The following FRMPD3 variants were observed in gnomAD, a reference collection of about 807,000 sequenced individuals.
FRMPD3 encodes the protein FERM and PDZ domain containing 3, also known as FERM and PDZ domain-containing protein 3.
In FRMPD3, 42 loss-of-function variants were observed where a neutral mutation model predicts 97.9. The observed-to-expected ratio is 0.43, with a 90% CI of 0.34 to 0.55. The LOEUF (loss-of-function observed/expected upper bound fraction) is 0.55. Ranked by LOEUF, FRMPD3 falls within the 20% of genes least tolerant of loss-of-function variation. The probability of loss-of-function intolerance (pLI) is 0.03; values close to 1 mark genes in which losing one functional copy is unlikely to be tolerated. For missense variants in FRMPD3, 1,303 were observed against 1,457.7 expected (o/e 0.89, Z 1.73); for synonymous variants, 577 against 581.1 (o/e 0.99, Z 0.10).
rs765877659 is a variant in FRMPD3, at chrX:107,560,292, G to A, written c.798G>A (p.Met266Ile). ...RNDVIRERFG[M>I]DPKPEMLLGL... ...ATGTTATTCGAGAACGCTTTGGAAT[G>A]GATCCCAAGCCAGAGATGCTTTTGG... is the stretch of plus-strand genomic sequence containing the variant. The change falls in exon 9 of 15, where the codon ATG becomes ATA. Residue 266 changes from methionine (M) to isoleucine (I), a missense_variant. Coordinates refer to ENST00000683843, the MANE Select transcript of FRMPD3 (RefSeq NM_001388459.1). 1.7e-6 allele frequency: 2 copies of A among 1,208,929 alleles called. No individual in the cohort carries two copies. The highest frequency in any genetic ancestry group is 2.2e-6 in the Non-Finnish European group (2 of 894,592).
In FRMPD3 at chrX:107,595,316, C is replaced by CA. The variant is rs372328331; in HGVS notation, c.1442-1991dup. On this transcript the variant is annotated intron_variant, in intron 13 of 14. Transcript: ENST00000683843. ...TAGGTGACAGAGCAAGACCCTGTAT[C>CA]AAAAAAAAAAAAAAGTGTTTTGTTT... Among the ~76,000 whole-genome samples the CA allele has an allele frequency of 7.2e-3, 679 of 94,444 alleles. 5 individuals carry two copies. The highest frequency in any genetic ancestry group is 0.021 in the African/African-American group (534 of 25,896). The allele number at this position is 94,444 out of a possible 115,157, so 82.0% of individuals were successfully genotyped here.
chrX:107,596,718 C>T (rs758324289), intron 13 of FRMPD3, among the ~76,000 whole-genome samples: 141 of 112,038 alleles, frequency 1.3e-3, no homozygotes, highest in African/African-American at 4.4e-3. Context: ...ACATTCAGAC[C>T]CCGGAATTCT....
intron 13 of FRMPD3, among the ~76,000 whole-genome samples, chrX:107,586,702 A>G (rs1448514627): frequency 1.8e-5 from 2 of 111,522 alleles, no homozygotes; most frequent in East Asian, 2.8e-4. Flanking sequence ...TAATTTCATT[A>G]TTTACCCAGG....
chrX:107,572,889 A>G (rs1001613593), intron 12 of FRMPD3, among the ~76,000 whole-genome samples: 4 of 100,654 alleles, frequency 4.0e-5, no homozygotes, highest in Non-Finnish European at 6.0e-5. Context: ...CACTACTACT[A>G]CTACTACTAC....
intron 1 of FRMPD3, among the ~76,000 whole-genome samples, chrX:107,483,497 A>G (rs1349813981): frequency 8.9e-6 from 1 of 111,927 alleles, no homozygotes; most frequent in Admixed American, 9.4e-5. Context: ...TCTGAGCACA[A>G]AAGCAGAAAA....
rs145675420 is a variant in FRMPD3, at chrX:107,497,932, G to A, written c.-7-28650G>A. Among the ~76,000 whole-genome samples, 500 of 111,641 alleles carry A rather than the reference G, an allele frequency of 4.5e-3. 7 individuals carry two copies. The highest frequency in any genetic ancestry group is 0.015 in the African/African-American group (473 of 30,662). On this transcript the variant is annotated intron_variant, in intron 1 of 14. Transcript: ENST00000683843. The stretch of plus-strand genomic sequence containing the variant: ...GTGTGTGTGCATGCACGTGCATGTG[G>A]CATTGGGATTGTCACTCTATGGGAA...
chrX:107,509,260 G>A (rs1922108460), intron 1 of FRMPD3, among the ~76,000 whole-genome samples: 1 of 112,606 alleles, frequency 8.9e-6, no homozygotes, highest in South Asian at 3.7e-4. Flanking sequence ...TGGGCATAAT[G>A]GGGTATGTGA....
intron 1 of FRMPD3, among the ~76,000 whole-genome samples, chrX:107,506,641 C>G (rs755025094): frequency 2.7e-5 from 3 of 112,491 alleles, no homozygotes; most frequent in Non-Finnish European, 5.6e-5. Flanking sequence ...TATCCCTTCC[C>G]AGGTCCCCCG....
At chrX:107,516,026 TC>T (rs1922316336) in intron 1 of FRMPD3, among the ~76,000 whole-genome samples, 1 of 51,188 alleles carries the variant, frequency 2.0e-5, no homozygotes, top group Non-Finnish European at 3.5e-5. Flanking sequence ...CCCTCCCCCC[TC>T]CCCCCACCCC....
At chrX:107,543,157 TC>T (rs1921398549) in intron 4 of FRMPD3, among the ~76,000 whole-genome samples, 2 of 110,802 alleles carry the variant, frequency 1.8e-5, no homozygotes, top group African/African-American at 3.3e-5. Flanking sequence ...CCTTCTACAC[TC>T]TGTTTTCCAC....
At chrX:107,524,219 C>T (rs939253927) in intron 1 of FRMPD3, among the ~76,000 whole-genome samples, 5 of 112,644 alleles carry the variant, frequency 4.4e-5, no homozygotes, top group African/African-American at 1.6e-4. Context: ...CGAGCTCCTG[C>T]CTGCCACCAG....
Position 107,600,544 on chromosome X carries a change from C to G in FRMPD3, c.2505C>G (p.Arg835=), listed in dbSNP as rs1362151407. Residue 835 remains arginine (R), a synonymous_variant, in exon 15 of 15, where the codon CGC becomes CGG. Coordinates refer to ENST00000683843, the MANE Select transcript of FRMPD3 (RefSeq NM_001388459.1). ...TTACGGCCCCTTACTCTCTTGGGCG[C>G]CCGGATCCCAACCCATCTCTCCAAC... ...AVLTAPYSLG[R]PDPNPSLQPI... The G allele has an allele frequency of 3.3e-6, 4 of 1,210,935 alleles. No homozygotes were observed. Among genetic ancestry groups the G allele is most frequent in the South Asian group, 1.8e-5 (1 of 56,984 alleles).
intron 11 of FRMPD3, among the ~76,000 whole-genome samples, chrX:107,563,486 C>T (rs147335701): frequency 0.015 from 1,649 of 112,325 alleles, 34 homozygotes; most frequent in Admixed American, 0.087. Flanking sequence ...GTTTTGCAGG[C>T]GGGCCATACT....
At chrX:107,503,302 T>C (rs1261948430) in intron 1 of FRMPD3, among the ~76,000 whole-genome samples, 1 of 112,103 alleles carries the variant, frequency 8.9e-6, no homozygotes, top group Admixed American at 9.4e-5. Context: ...TGGAGGAACA[T>C]CACTCCCTTT....
rs1569420465 is a variant in FRMPD3 at position 107,546,894 on chromosome X, A to G, written c.402+1053A>G. ...GCGCTTCTATATTATTTAAGGCAGA[A>G]TTAGTGAGAAGAAGGTATAGAGGAC... On this transcript the variant is annotated intron_variant, in intron 5 of 14. Transcript: ENST00000683843. Among the ~76,000 whole-genome samples the G allele has an allele frequency of 2.7e-5, 3 of 111,452 alleles. No homozygotes were observed. The South Asian group carries it at 1.1e-3, about 42-fold the overall frequency.
In FRMPD3 at chrX:107,560,999, G is replaced by C. The variant is rs968245497; in HGVS notation, c.1026+146G>C. On this transcript the variant is annotated intron_variant, in intron 10 of 14. Coordinates refer to ENST00000683843, the MANE Select transcript of FRMPD3 (RefSeq NM_001388459.1). Reference sequence around the variant, plus strand: ...TGCACATACGGCTTGGCCAGGTGTGGGGCAGTTGTGGAGAGGAGTCTTCCC... The same window carrying C: ...TGCACATACGGCTTGGCCAGGTGTGCGGCAGTTGTGGAGAGGAGTCTTCCC... 1.2e-5 allele frequency: 7 copies of C among 596,152 alleles called. No homozygotes were observed. In the African/African-American group the frequency reaches 1.6e-4, roughly 14 times the overall value. The allele number at this position is 596,152 out of a possible 1,213,427, so 49.1% of individuals were successfully genotyped here.
At chrX:107,569,406 T>TG (rs1218940504) in intron 12 of FRMPD3, among the ~76,000 whole-genome samples, 2 of 108,653 alleles carry the variant, frequency 1.8e-5, no homozygotes, top group Admixed American at 2.0e-4. Context: ...AAATTCTGGC[T>TG]GGGGGTATTA....
chrX:107,557,928 A>G (rs780514074), intron 8 of FRMPD3, among the ~76,000 whole-genome samples: 48 of 101,089 alleles, frequency 4.7e-4, no homozygotes, highest in African/African-American at 1.5e-3. Flanking sequence ...CTGGAGCTTT[A>G]TAATAATTCT....
chrX:107,564,765 C>G (rs1319509814), intron 11 of FRMPD3, 122 bp from the exon 12 acceptor site: 2 of 723,761 alleles, frequency 2.8e-6, no homozygotes, highest in Non-Finnish European at 4.2e-6. Context: ...CACTGAGCCC[C>G]AGATATTTTC....
Sources: gnomAD v4.1 joint callset for allele counts (sites outside exome capture counted in the v4.1 genomes callset) on GRCh38, gnomAD v4.1.1 for gene constraint, MANE v1.5 for transcripts, NCBI Gene and HGNC (gene_info 2026-07-23, HGNC 2026-07-21) for gene names.